The following PSD4 variants were observed in gnomAD, a reference collection of about 807,000 sequenced individuals.
PSD4 encodes the protein PH and SEC7 domain-containing protein 4.
PSD4 carries 59 observed loss-of-function variants against 112.5 expected under a neutral mutation model. The ratio of observed to expected loss-of-function variants is 0.52; its 90% CI spans 0.43 to 0.65. The LOEUF is 0.65. Ranked by LOEUF, PSD4 falls within the 30% of genes least tolerant of loss-of-function variation. The pLI, the probability that PSD4 is intolerant of heterozygous loss-of-function variation, is 0.00. For synonymous variants in PSD4, 533 were observed against 540.0 expected (o/e 0.99, Z 0.18); for missense variants, 1,267 against 1,352.6 (o/e 0.94, Z 0.99).
chr2:113,198,522 A>G (rs1688675760), intron 14 of PSD4: 4 of 464,598 alleles, frequency 8.6e-6, no homozygotes, highest in Admixed American at 3.9e-5. Flanking sequence ...TCCGCCTGCC[A>G]AGGCGTTGCC....
intron 1 of PSD4, among the ~76,000 whole-genome samples, chr2:113,181,547 C>A (rs955377552): frequency 6.6e-6 from 1 of 152,176 alleles, no homozygotes; most frequent in African/African-American, 2.4e-5. Flanking sequence ...CAGCTCTGGG[C>A]AGATGTGAGG....
intron 14 of PSD4, chr2:113,198,322 G>A (rs1467505494): frequency 2.2e-5 from 5 of 227,414 alleles, no homozygotes; most frequent in Non-Finnish European, 4.3e-5. Context: ...CCTGGCTGGA[G>A]TGCAGTGACT....
chr2:113,182,354 T>A lies in PSD4; in HGVS notation c.-103T>A, dbSNP rs1688159971. On this transcript the variant is annotated 5_prime_UTR_variant, in exon 2 of 17. It removes an upstream start codon present in the reference 5' UTR. Transcript: ENST00000245796. ...GCTTTGGGCATTTCCAGGGTAGATA[T>A]GGATTCCCAGTTTCTCCAGCGGCCA... The A allele has an allele frequency of 1.7e-6, 2 of 1,161,592 alleles. No homozygotes were observed. The highest frequency in any genetic ancestry group is 4.8e-5 in the East Asian group (2 of 41,396). 72.0% of individuals were successfully genotyped at this position (1,161,592 alleles called of 1,614,324 possible). A position where few individuals can be genotyped will look rare whatever the true frequency, so the allele number is the denominator to read the frequency against.
At position 113,197,922 on chromosome 2, in the gene PSD4, C is replaced by G. The variant is rs1301068408; in HGVS notation, c.2624+9C>G. 5 of 1,562,284 alleles carry G rather than the reference C, an allele frequency of 3.2e-6. No individual in the cohort carries two copies. Among genetic ancestry groups the G allele is most frequent in the Middle Eastern group, 2.3e-4 (1 of 4,258 alleles). On this transcript the variant is annotated intron_variant, in intron 14 of 16. Transcript: ENST00000245796. The stretch of plus-strand genomic sequence containing the variant: ...TACCTCTTCCAGGCACCGTAAGTCC[C>G]TGGGGTGGGAGACTGTGGCAAGGCC...
At position 113,183,284 on chromosome 2, in the gene PSD4, T is replaced by C. The variant is rs1573355767; in HGVS notation, c.828T>C (p.Gly276=). 1 of 1,613,866 alleles carries C rather than the reference T, an allele frequency of 6.2e-7. No individual in the cohort carries two copies. The highest frequency in any genetic ancestry group is 2.2e-5 in the East Asian group (1 of 44,872). ...GGGGGGCTTCAGACTCCCATGCAGGTGTGAGGACTGGACCTGAGAGCCCAG... is the reference window on the plus strand; with the variant it reads ...GGGGGGCTTCAGACTCCCATGCAGGCGTGAGGACTGGACCTGAGAGCCCAG... The part of the protein sequence containing the change: ...FSWGASDSHA[G]VRTGPESPAT... Residue 276 remains glycine (G), a synonymous_variant, in exon 2 of 17, where the codon GGT becomes GGC. Coordinates refer to ENST00000245796, the MANE Select transcript of PSD4 (RefSeq NM_012455.3).
Position 113,209,027 on chromosome 2 carries a change from G to A in PSD4, c.*7612G>A, listed in dbSNP as rs1345009483. On this transcript the variant is annotated 3_prime_UTR_variant, in exon 17 of 17. Transcript: ENST00000245796. ...CCTGAATTTGCTGCCATGTTTTGAG[G>A]ACATTATCCACGCTAGTCTCTTTCA... 1 of 152,166 alleles carries A rather than the reference G, an allele frequency of 6.6e-6. No homozygotes were observed. Among genetic ancestry groups the A allele is most frequent in the African/African-American group, 2.4e-5 (1 of 41,436 alleles). The allele number at this position is 152,166 out of a possible 1,614,324, so 9.4% of individuals were successfully genotyped here.
intron 1 of PSD4, among the ~76,000 whole-genome samples, chr2:113,180,548 G>A (rs1688101462): frequency 6.6e-6 from 1 of 152,220 alleles, no homozygotes; most frequent in South Asian, 2.1e-4. Flanking sequence ...CTGGAGCAGG[G>A]AAAGGGCAGA....
At chr2:113,196,871 G>T (rs1688628378) in intron 12 of PSD4, among the ~76,000 whole-genome samples, 1 of 152,198 alleles carries the variant, frequency 6.6e-6, no homozygotes, top group Admixed American at 6.5e-5. Flanking sequence ...CTGCATTTGG[G>T]CCTTATTCCA....
chr2:113,177,773 G>A (rs1374383487), intron 1 of PSD4, among the ~76,000 whole-genome samples: 1 of 152,164 alleles, frequency 6.6e-6, no homozygotes, highest in Non-Finnish European at 1.5e-5. Context: ...GTGGCGAACA[G>A]GAAACATAAA....
chr2:113,188,736 G>A (rs1399241673), intron 5 of PSD4, among the ~76,000 whole-genome samples: 28 of 152,030 alleles, frequency 1.8e-4, no homozygotes, highest in Non-Finnish European at 3.1e-4. Context: ...GCCCGCCACT[G>A]CGCCCGGCTA....
rs1033473103 is a variant in PSD4, at chr2:113,204,886, G to C, written c.*3471G>C. 1.3e-5 allele frequency: 2 copies of C among 152,346 alleles called. No individual in the cohort carries two copies. The highest frequency in any genetic ancestry group is 4.8e-5 in the African/African-American group (2 of 41,456). 9.4% of individuals were successfully genotyped at this position (152,346 alleles called of 1,614,324 possible). A position where few individuals can be genotyped will look rare whatever the true frequency, so the allele number is the denominator to read the frequency against. ...GGGGTGAGGGGGGCAGAGGGAAACA[G>C]GGCCGTCAGGGTGGCCTGAGGCCAG... On this transcript the variant is annotated 3_prime_UTR_variant, in exon 17 of 17. Coordinates refer to ENST00000245796, the MANE Select transcript of PSD4 (RefSeq NM_012455.3).
chr2:113,200,389 C>A (rs1290648435), intron 16 of PSD4, among the ~76,000 whole-genome samples: 1 of 152,184 alleles, frequency 6.6e-6, no homozygotes, highest in Non-Finnish European at 1.5e-5. Context: ...AAGTGGGAGT[C>A]AACATCGCCT....
intron 2 of PSD4, 26 bp from the exon 3 acceptor site, chr2:113,184,931 C>T (rs1014008899): frequency 8.1e-6 from 13 of 1,613,254 alleles, no homozygotes; most frequent in African/African-American, 1.3e-5. Flanking sequence ...CTCCTTCTCT[C>T]CTCTGTCTCT....
chr2:113,179,205 C>T (rs146301002), intron 1 of PSD4, among the ~76,000 whole-genome samples: 1 of 152,266 alleles, frequency 6.6e-6, no homozygotes, highest in East Asian at 1.9e-4. Flanking sequence ...ATCCCTTCTG[C>T]CTTAGAAGTA....
rs1348814927 is a variant in PSD4, at chr2:113,193,658, G to A, written c.2091+8G>A. Reference sequence around the variant, plus strand: ...ACGGACCTGCATGGACAGGTAAGACGGTGGAGAGAGTCCCTGTGGGAACTG... The same window carrying A: ...ACGGACCTGCATGGACAGGTAAGACAGTGGAGAGAGTCCCTGTGGGAACTG... On this transcript the variant is annotated splice_region_variant and intron_variant, in intron 9 of 16. Coordinates refer to ENST00000245796, the MANE Select transcript of PSD4 (RefSeq NM_012455.3). 27 of 1,611,598 alleles carry A rather than the reference G, an allele frequency of 1.7e-5. No individual in the cohort carries two copies. The highest frequency in any genetic ancestry group is 2.0e-5 in the Non-Finnish European group (24 of 1,177,820).
chr2:113,184,689 A>G (rs6718817), intron 2 of PSD4, among the ~76,000 whole-genome samples: 3,073 of 152,144 alleles, frequency 0.02, 109 homozygotes, highest in African/African-American at 0.07. Context: ...TGTTCTAAGC[A>G]CTAACTTCTC....
chr2:113,196,016 G>A, intron 11 of PSD4, 131 bp from the exon 12 acceptor site: 1 of 1,221,292 alleles, frequency 8.2e-7, no homozygotes, highest in South Asian at 1.4e-5. Context: ...TGTGAAGGAG[G>A]ACTCCTTGTG....
At chr2:113,196,432 T>G in intron 12 of PSD4, 125 bp downstream of exon 12, 1 of 1,249,924 alleles carries the variant, frequency 8.0e-7, no homozygotes, top group Non-Finnish European at 1.1e-6. Flanking sequence ...CCAGCCCATG[T>G]TCCTTCCTCA....
chr2:113,194,106 C>T (rs796584329), intron 10 of PSD4, among the ~76,000 whole-genome samples, 158 bp downstream of exon 10: 3 of 152,168 alleles, frequency 2.0e-5, no homozygotes, highest in Admixed American at 1.3e-4. Flanking sequence ...TATTCCCTGG[C>T]GGGCAGCATC....
Sources: gnomAD v4.1 joint callset for allele counts (sites outside exome capture counted in the v4.1 genomes callset) on GRCh38, gnomAD v4.1.1 for gene constraint, MANE v1.5 for transcripts, NCBI Gene and HGNC (gene_info 2026-07-23, HGNC 2026-07-21) for gene names.